The following ADCYAP1 variants were observed in gnomAD, a reference collection of about 807,000 sequenced individuals.
ADCYAP1 encodes adenylate cyclase activating polypeptide 1, also known as pituitary adenylate cyclase-activating polypeptide.
Under a neutral mutation model 18.5 loss-of-function variants are expected in ADCYAP1, and 6 were observed. The ratio of observed to expected loss-of-function variants is 0.32; its 90% confidence interval spans 0.18 to 0.64. The LOEUF (loss-of-function observed/expected upper bound fraction) is 0.64, where lower values mean the gene tolerates loss of function less well. ADCYAP1 is among the 30% of genes least tolerant of loss of function. ADCYAP1 has a pLI of 0.77. For missense variants in ADCYAP1, 314 were observed against 253.6 expected, an observed-to-expected ratio of 1.24 and a Z score of -1.62; for synonymous variants, 136 against 113.9, an observed-to-expected ratio of 1.19 and a Z score of -1.24.
chr18:905,145 T>TTC (rs1320180928), intron 1 of ADCYAP1, 85 bp downstream of exon 1: 144 of 1,389,834 alleles, frequency 1.0e-4, no homozygotes, highest in Middle Eastern at 2.2e-4. Flanking sequence ...GGAGTTAGCT[T>TTC]TCCTTCAGCC....
At chr18:907,914 C>A in intron 3 of ADCYAP1, 124 bp downstream of exon 3, 1 of 1,365,110 alleles carries the variant, frequency 7.3e-7, no homozygotes, top group Non-Finnish European at 9.4e-7. Context: ...TCAAGCCTGT[C>A]CTCTCCCTGG....
intron 2 of ADCYAP1, 84 bp from the exon 3 acceptor site, chr18:907,575 C>A (rs1247314049): frequency 2.1e-6 from 3 of 1,413,052 alleles, no homozygotes; most frequent in Non-Finnish European, 9.5e-7. Context: ...TGTGAAAATC[C>A]GCGCGAGCCC....
upstream of ADCYAP1, chr18:904,845 T>G (rs1012679229): frequency 7.8e-7 from 1 of 1,286,866 alleles, no homozygotes; most frequent in African/African-American, 1.5e-5. Flanking sequence ...TCCCTCCTGG[T>G]TCTGCGCGTC....
chr18:909,319 G>A (rs1909294872), intron 4 of ADCYAP1, 127 bp from the exon 5 acceptor site: 3 of 874,544 alleles, frequency 3.4e-6, no homozygotes, highest in East Asian at 2.9e-5. Context: ...CGGGCGACGC[G>A]GTGGGCAGTG....
rs549816694 is a variant in ADCYAP1, at chr18:905,697, G to T, written c.110+201G>T. The stretch of plus-strand genomic sequence containing the variant: ...TGGCAGGCTCCGCGACTGCTCGGAC[G>T]CCTCCCCCAGCCCTAGGCAGCTCAG... On this transcript the variant is annotated intron_variant, in intron 2 of 4. Coordinates refer to ENST00000450565, the MANE Select transcript of ADCYAP1 (RefSeq NM_001099733.2). 45 of 642,452 alleles carry T rather than the reference G, an allele frequency of 7.0e-5. No individual in the cohort carries two copies. In the Middle Eastern group the frequency reaches 1.3e-3, roughly 18 times the overall value. 39.8% of individuals were successfully genotyped at this position (642,452 alleles called of 1,614,324 possible).
At chr18:905,251 C>T in intron 1 of ADCYAP1, 135 bp from the exon 2 acceptor site, 2 of 1,484,598 alleles carry the variant, frequency 1.3e-6, no homozygotes, top group Non-Finnish European at 8.9e-7. Flanking sequence ...CACCGGCTGT[C>T]GCCAAGTGCT....
rs755917178 is a variant in ADCYAP1, at chr18:907,783, G to T, written c.235G>T (p.Gly79Trp). ...CGCCGCCGCCTGGTACCGCCCGGCC[G>T]GGAGAAGGTGAGATTCGCGCGGCCT... Reference protein sequence around the residue: ...RAAAAWYRPAGRRDVAHGILN... With the variant: ...RAAAAWYRPAWRRDVAHGILN... Residue 79 changes from glycine (G) to tryptophan (W), a missense_variant, in exon 3 of 5, where the codon GGG (glycine) becomes TGG (tryptophan). Physicochemically the swap from Gly to Trp is radical, Grantham distance 184. Coordinates refer to ENST00000450565, the MANE Select transcript of ADCYAP1 (RefSeq NM_001099733.2). 3 of 1,439,888 alleles carry T rather than the reference G, an allele frequency of 2.1e-6. No individual in the cohort carries two copies. The highest frequency in any genetic ancestry group is 1.8e-6 in the Non-Finnish European group (2 of 1,110,836). 89.2% of individuals were successfully genotyped at this position (1,439,888 alleles called of 1,614,324 possible).
At position 911,082 on chromosome 18, in the gene ADCYAP1, T is replaced by C. The variant is rs1909371041; in HGVS notation, c.*1447T>C. On this transcript the variant is annotated 3_prime_UTR_variant, in exon 5 of 5. Coordinates refer to ENST00000450565, the MANE Select transcript of ADCYAP1 (RefSeq NM_001099733.2). ...ACCTTTGTCATATTAGAATGTGTAGTGTTCACATGTTGCTCAGTTTTGCTA... is the reference window on the plus strand; with the variant it reads ...ACCTTTGTCATATTAGAATGTGTAGCGTTCACATGTTGCTCAGTTTTGCTA... 2.0e-5 allele frequency: 3 copies of C among 152,228 alleles called. No homozygotes were observed. Among genetic ancestry groups the C allele is most frequent in the South Asian group, 4.1e-4 (2 of 4,828 alleles). The allele number at this position is 152,228 out of a possible 1,614,324, so 9.4% of individuals were successfully genotyped here. A position where few individuals can be genotyped will look rare whatever the true frequency, so the allele number is the denominator to read the frequency against.
rs369209323 is a variant in ADCYAP1 at position 909,584 on chromosome 18, G to T, written c.480G>T (p.Lys160Asn). 9.9e-6 allele frequency: 16 copies of T among 1,614,130 alleles called. No homozygotes were observed. Among genetic ancestry groups the T allele is most frequent in the Non-Finnish European group, 1.2e-5 (14 of 1,180,004 alleles). ...AATACTTGGCGGCCGTCCTAGGGAA[G>T]AGGTATAAACAAAGGGTTAAAAACA... ...VKKYLAAVLG[K>N]RYKQRVKNKG... The change falls in exon 5 of 5, where the codon AAG becomes AAT. Residue 160 changes from lysine to asparagine, a missense_variant. By Grantham distance (94) the Lys-to-Asn change is moderately conservative. Coordinates refer to ENST00000450565, the MANE Select transcript of ADCYAP1 (RefSeq NM_001099733.2).
At chr18:906,278 C>G (rs987144697) in intron 2 of ADCYAP1, 16 of 152,410 alleles carry the variant, frequency 1.0e-4, no homozygotes, top group Non-Finnish European at 1.5e-5. Flanking sequence ...CCGGCAGGCG[C>G]GGCCCAGGTT....
rs924197916 is a variant in ADCYAP1, at chr18:904,914, G to A, written c.-148G>A. On this transcript the variant is annotated 5_prime_UTR_variant, in exon 1 of 5. Transcript: ENST00000450565. ...AACGAGTCCCGCAGCTCCTCCTGCT[G>A]CTCCCGCTGGTTCCTGCGGCTTCTG... 7.8e-7 allele frequency: 1 copy of A among 1,289,826 alleles called. No individual in the cohort carries two copies. Among genetic ancestry groups the A allele is most frequent in the Non-Finnish European group, 1.0e-6 (1 of 989,142 alleles). 79.9% of individuals were successfully genotyped at this position (1,289,826 alleles called of 1,614,324 possible). A position where few individuals can be genotyped will look rare whatever the true frequency, so the allele number is the denominator to read the frequency against.
At chr18:906,612 G>T (rs997549229) in intron 2 of ADCYAP1, 57 of 152,330 alleles carry the variant, frequency 3.7e-4, no homozygotes, top group African/African-American at 1.4e-3. Context: ...TGCGAGGCGT[G>T]CGGAATGATG....
intron 4 of ADCYAP1, among the ~76,000 whole-genome samples, chr18:909,022 C>G (rs1306743061): frequency 1.3e-5 from 2 of 152,160 alleles, no homozygotes; most frequent in Admixed American, 6.5e-5. Flanking sequence ...AGGATCGATG[C>G]AAACTCCAGG....
chr18:907,654 C>T lies in ADCYAP1; in HGVS notation c.111-5C>T. On this transcript the variant is annotated splice_polypyrimidine_tract_variant and splice_region_variant and intron_variant, in intron 2 of 4. Coordinates refer to ENST00000450565, the MANE Select transcript of ADCYAP1 (RefSeq NM_001099733.2). ...CCACACCTTCTGTCCCCGGCCACCC[C>T]GCAGGCCAGAGGAAGAGGCGTACGG... is the stretch of plus-strand genomic sequence containing the variant. 2 of 1,581,214 alleles carry T rather than the reference C, an allele frequency of 1.3e-6. No individual in the cohort carries two copies. Among genetic ancestry groups the T allele is most frequent in the Non-Finnish European group, 1.7e-6 (2 of 1,171,906 alleles).
chr18:911,698 C>A lies in ADCYAP1; in HGVS notation c.*2063C>A, dbSNP rs538322808. 2.0e-5 allele frequency: 3 copies of A among 152,314 alleles called. No individual in the cohort carries two copies. The highest frequency in any genetic ancestry group is 4.2e-4 in the South Asian group (2 of 4,818). The allele number at this position is 152,314 out of a possible 1,614,324, so 9.4% of individuals were successfully genotyped here. A position where few individuals can be genotyped will look rare whatever the true frequency, so the allele number is the denominator to read the frequency against. The stretch of plus-strand genomic sequence containing the variant: ...CGGGATGCAGTTTGCAGCTTTAGTG[C>A]CTTTCTTCGCCTTTTAAATTGCCAC... On this transcript the variant is annotated 3_prime_UTR_variant, in exon 5 of 5. Transcript: ENST00000450565.
chr18:908,049 C>G, intron 3 of ADCYAP1: 1 of 702,338 alleles, frequency 1.4e-6, no homozygotes, highest in Non-Finnish European at 2.3e-6. Context: ...GGAACCCACA[C>G]TCCGCATCTG....
Position 911,636 on chromosome 18 carries a change from T to C in ADCYAP1, c.*2001T>C, listed in dbSNP as rs1272019086. ...CTGAGTCCTGTGTATAGGATCAATC[T>C]TCCTTTAATTCCGCAGTCTCCTCAG... On this transcript the variant is annotated 3_prime_UTR_variant, in exon 5 of 5. Coordinates refer to ENST00000450565, the MANE Select transcript of ADCYAP1 (RefSeq NM_001099733.2). The C allele has an allele frequency of 6.6e-6, 1 of 152,192 alleles. No homozygotes were observed. Among genetic ancestry groups the C allele is most frequent in the Non-Finnish European group, 1.5e-5 (1 of 68,036 alleles). The allele number at this position is 152,192 out of a possible 1,614,324, so 9.4% of individuals were successfully genotyped here.
In ADCYAP1 at chr18:910,069, C is replaced by G. The variant is rs565862612; in HGVS notation, c.*434C>G. 5.3e-4 allele frequency: 81 copies of G among 152,612 alleles called. No individual in the cohort carries two copies. The highest frequency in any genetic ancestry group is 1.8e-3 in the African/African-American group (76 of 41,540). 9.5% of individuals were successfully genotyped at this position (152,612 alleles called of 1,614,324 possible). A position where few individuals can be genotyped will look rare whatever the true frequency, so the allele number is the denominator to read the frequency against. ...AAAAGGATAGTATTTTTATCCATGA[C>G]AGGCCTGAAGATATTACTACTTACC... On this transcript the variant is annotated 3_prime_UTR_variant, in exon 5 of 5. Transcript: ENST00000450565.
upstream of ADCYAP1, chr18:904,723 C>T: frequency 4.0e-6 from 5 of 1,235,676 alleles, no homozygotes; most frequent in African/African-American, 6.2e-5. Context: ...TAATCGCCTG[C>T]TTCTTCCTCC....
Sources: allele counts gnomAD v4.1 joint callset (sites outside exome capture counted in the v4.1 genomes callset), GRCh38; gene constraint gnomAD v4.1.1; transcripts MANE v1.5; gene names NCBI Gene and HGNC (gene_info 2026-07-23, HGNC 2026-07-21).